The following TIMD4 variants were observed in gnomAD, a reference collection of about 807,000 sequenced individuals.
TIMD4 encodes the protein T cell immunoglobulin and mucin domain containing 4.
Under a neutral mutation model 41.2 loss-of-function variants are expected in TIMD4, and 31 were observed. That is an observed-to-expected ratio of 0.75 (90% confidence interval 0.57 to 1.01). The LOEUF (loss-of-function observed/expected upper bound fraction) is 1.01. Among genes scored for constraint, TIMD4 ranks in the 50% least tolerant of loss-of-function variants. The probability of loss-of-function intolerance (pLI) is 0.00; values close to 1 mark genes in which losing one functional copy is unlikely to be tolerated. For missense variants in TIMD4, 479 were observed against 472.5 expected (o/e 1.01, Z -0.13); for synonymous variants, 204 against 177.1 (o/e 1.15, Z -1.21).
At chr5:156,919,581 GACTAGAAAACAAA>G (rs1385781763) in intron 8 of TIMD4, 40 bp from the exon 9 acceptor site, 1 of 1,551,200 alleles carries the variant, frequency 6.4e-7, no homozygotes, top group Admixed American at 1.7e-5. Context: ...GGAAACACAA[GACTAGAAAACAAA>G]ACAAAACAGA....
At chr5:156,940,452 G>A (rs1473644163) in intron 5 of TIMD4, among the ~76,000 whole-genome samples, 4 of 151,108 alleles carry the variant, frequency 2.6e-5, no homozygotes, top group Admixed American at 6.6e-5. Flanking sequence ...CTGCCCGGCC[G>A]CCCAGCCTGG....
intron 1 of TIMD4, among the ~76,000 whole-genome samples, chr5:156,956,079 C>T (rs1396486090): frequency 6.6e-6 from 1 of 152,232 alleles, no homozygotes; most frequent in Non-Finnish European, 1.5e-5. Context: ...CTTAGTCCTT[C>T]AGTCTAACTG....
At chr5:156,931,431 T>A (rs1409390725) in intron 5 of TIMD4, among the ~76,000 whole-genome samples, 1 of 152,238 alleles carries the variant, frequency 6.6e-6, no homozygotes, top group African/African-American at 2.4e-5. Context: ...TGCTTTGTAC[T>A]TTTTCCATGA....
Position 156,951,693 on chromosome 5 carries a change from T to G in TIMD4, c.498A>C (p.Ala166=), listed in dbSNP as rs529704167. The G allele has an allele frequency of 5.3e-5, 86 of 1,614,100 alleles. No homozygotes were observed. The highest frequency in any genetic ancestry group is 3.0e-4 in the South Asian group (27 of 91,068). The change falls in exon 3 of 9, where the codon GCA becomes GCC. Residue 166 remains alanine, a synonymous_variant. Coordinates refer to ENST00000274532, the MANE Select transcript of TIMD4 (RefSeq NM_138379.3). ...TTRQMTTTPA[A]LPTTVVTTPD... Reference sequence around the variant, plus strand: ...GTGTGGTCACGACTGTTGTTGGAAGTGCAGCTGGGGTTGTTGTCATTTGTC... The same window carrying G: ...GTGTGGTCACGACTGTTGTTGGAAGGGCAGCTGGGGTTGTTGTCATTTGTC...
At chr5:156,923,095 G>A (rs192414288) in intron 6 of TIMD4, among the ~76,000 whole-genome samples, 99 of 149,906 alleles carry the variant, frequency 6.6e-4, no homozygotes, top group African/African-American at 2.1e-3. Flanking sequence ...ATGGTGTCTC[G>A]CTATGTTGCC....
At chr5:156,958,710 C>T (rs1760026397) in intron 1 of TIMD4, among the ~76,000 whole-genome samples, 1 of 152,170 alleles carries the variant, frequency 6.6e-6, no homozygotes, top group African/African-American at 2.4e-5. Flanking sequence ...TTGTTATCCA[C>T]CCTAGAAAAA....
At position 156,942,761 on chromosome 5, in the gene TIMD4, T is replaced by C. The variant is rs78713811; in HGVS notation, c.844+5655A>G. Among the ~76,000 whole-genome samples, 540 of 152,324 alleles carry C rather than the reference T, an allele frequency of 3.5e-3. 4 individuals carry two copies. The highest frequency in any genetic ancestry group is 0.013 in the African/African-American group (521 of 41,562). On this transcript the variant is annotated intron_variant, in intron 5 of 8. Coordinates refer to ENST00000274532, the MANE Select transcript of TIMD4 (RefSeq NM_138379.3). ...ACCTGGAAGCATTAGAATGGCAAACTGGACCACAGCTCTTTTTCAGCTGTA... is the reference window on the plus strand; with the variant it reads ...ACCTGGAAGCATTAGAATGGCAAACCGGACCACAGCTCTTTTTCAGCTGTA...
intron 7 of TIMD4, among the ~76,000 whole-genome samples, chr5:156,921,807 CACATCA>C (rs1759247079): frequency 6.6e-6 from 1 of 152,154 alleles, no homozygotes; most frequent in East Asian, 1.9e-4. Context: ...ATGAATTAGG[CACATCA>C]AGAGTATACC....
Position 156,921,678 on chromosome 5 carries a change from C to T in TIMD4, c.1012+421G>A, listed in dbSNP as rs558803877. Reference sequence around the variant, plus strand: ...GAAAACCAGGATTGTTCATGGTCTTCGTCCTGCAACAATCCTAGCCAAAAG... The same window carrying T: ...GAAAACCAGGATTGTTCATGGTCTTTGTCCTGCAACAATCCTAGCCAAAAG... On this transcript the variant is annotated intron_variant, in intron 7 of 8. Coordinates refer to ENST00000274532, the MANE Select transcript of TIMD4 (RefSeq NM_138379.3). Among the ~76,000 whole-genome samples the T allele has an allele frequency of 9.5e-5, 14 of 147,992 alleles. No homozygotes were observed. The South Asian group carries it at 1.7e-3, about 18-fold the overall frequency.
chr5:156,925,366 T>C (rs1161282188), intron 6 of TIMD4, among the ~76,000 whole-genome samples: 2 of 152,210 alleles, frequency 1.3e-5, no homozygotes, highest in African/African-American at 4.8e-5. Context: ...GCTGGGGCTA[T>C]GCCATCTCCA....
intron 5 of TIMD4, among the ~76,000 whole-genome samples, chr5:156,929,766 T>C (rs897879431): frequency 3.9e-5 from 6 of 152,098 alleles, no homozygotes; most frequent in Non-Finnish European, 8.8e-5. Context: ...TACTTTGTGT[T>C]ACAGCAGCCC....
chr5:156,934,436 TTTTG>T (rs1230432127), intron 5 of TIMD4, among the ~76,000 whole-genome samples: 9 of 149,146 alleles, frequency 6.0e-5, no homozygotes, highest in Middle Eastern at 3.2e-3. Flanking sequence ...GTGTGGTTTT[TTTTG>T]TTTGTTTGTT....
At chr5:156,951,075 A>G (rs1271745455) in intron 3 of TIMD4, among the ~76,000 whole-genome samples, 1 of 151,878 alleles carries the variant, frequency 6.6e-6, no homozygotes, top group East Asian at 1.9e-4. Context: ...CTCAAAATTC[A>G]TATGTTGAAG....
At chr5:156,926,768 T>C (rs1759356008) in intron 5 of TIMD4, among the ~76,000 whole-genome samples, 1 of 152,212 alleles carries the variant, frequency 6.6e-6, no homozygotes, top group Non-Finnish European at 1.5e-5. Flanking sequence ...TGTAAATAGT[T>C]GAAAACATAA....
Position 156,940,296 on chromosome 5 carries a change from C to T in TIMD4, c.844+8120G>A, listed in dbSNP as rs558205496. Among the ~76,000 whole-genome samples the T allele has an allele frequency of 1.9e-3, 296 of 152,334 alleles. 1 individual carries two copies. Among genetic ancestry groups the T allele is most frequent in the Non-Finnish European group, 3.4e-3 (232 of 68,034 alleles). Reference sequence around the variant, plus strand: ...AGGCTGGAGTGTAGTGGCGTGATCTCGGCTTGCTACAACCTCCACCTCCCA... The same window carrying T: ...AGGCTGGAGTGTAGTGGCGTGATCTTGGCTTGCTACAACCTCCACCTCCCA... On this transcript the variant is annotated intron_variant, in intron 5 of 8. Transcript: ENST00000274532.
Position 156,954,662 on chromosome 5 carries a change from G to A in TIMD4, c.153C>T (p.Ser51=). 6.2e-7 allele frequency: 1 copy of A among 1,614,248 alleles called. No individual in the cohort carries two copies. Among genetic ancestry groups the A allele is most frequent in the South Asian group, 1.1e-5 (1 of 91,090 alleles). Residue 51 remains serine, a synonymous_variant, in exon 2 of 9, where the codon AGC becomes AGT. Transcript: ENST00000274532. ...GGCACTGGTCTTTCCCCCAGCACAT[G>A]CTGTTGCTGTTGTGAGACCAGGATG... ...LYSSWSHNSN[S]MCWGKDQCPY...
intron 5 of TIMD4, among the ~76,000 whole-genome samples, chr5:156,926,922 T>C (rs905199834): frequency 6.6e-6 from 1 of 152,186 alleles, no homozygotes; most frequent in African/African-American, 2.4e-5. Context: ...TCATAATCTA[T>C]AGTTGAGTTA....
chr5:156,947,131 G>C (rs1407730645), intron 5 of TIMD4, among the ~76,000 whole-genome samples: 1 of 152,094 alleles, frequency 6.6e-6, no homozygotes, highest in African/African-American at 2.4e-5. Context: ...CCAGGAGGCA[G>C]AGGTTGCAGT....
At chr5:156,961,779 G>A (rs757931564) in intron 1 of TIMD4, among the ~76,000 whole-genome samples, 25 of 114,036 alleles carry the variant, frequency 2.2e-4, no homozygotes, top group South Asian at 1.2e-3. Flanking sequence ...ACTGCAGTCC[G>A]GCCTAGGCAA....
Sources: allele counts gnomAD v4.1 joint callset (sites outside exome capture counted in the v4.1 genomes callset), GRCh38; gene constraint gnomAD v4.1.1; transcripts MANE v1.5; gene names NCBI Gene and HGNC (gene_info 2026-07-23, HGNC 2026-07-21).